The following OR4K1 variants were observed in gnomAD, a reference collection of about 807,000 sequenced individuals.
OR4K1 encodes olfactory receptor 4K1.
OR4K1 carries 16 observed loss-of-function variants against 14.4 expected under a neutral mutation model. The ratio of observed to expected loss-of-function variants is 1.11; its 90% confidence interval spans 0.75 to 1.68. OR4K1 has a LOEUF of 1.68. Among genes scored for constraint, OR4K1 ranks in the 40% most tolerant of loss-of-function variants. The pLI, the probability that OR4K1 is intolerant of heterozygous loss-of-function variation, is 0.00. For missense variants in OR4K1, 548 were observed against 376.9 expected, an observed-to-expected ratio of 1.45 and a Z score of -3.76; for synonymous variants, 181 against 133.1, an observed-to-expected ratio of 1.36 and a Z score of -2.48.
the OR4K1 span, chr14:19,920,851 T>C: frequency 2.4e-5 from 38 of 1,614,232 alleles, no homozygotes; most frequent in Admixed American, 3.2e-4. Context: ...CCTAAAATGA[T>C]TGCAGATTTT....
upstream of OR4K1, among the ~76,000 whole-genome samples, chr14:19,929,211 T>C (rs1240763983): frequency 1.3e-5 from 2 of 149,942 alleles, no homozygotes; most frequent in Non-Finnish European, 3.0e-5. Context: ...GTAATCTACA[T>C]TTCTTTAAAT....
chr14:19,923,309 A>G, the OR4K1 span, among the ~76,000 whole-genome samples: 1 of 152,216 alleles, frequency 6.6e-6, no homozygotes, highest in African/African-American at 2.4e-5. Context: ...TTAATTTACT[A>G]CAGTTTTAAA....
upstream of OR4K1, among the ~76,000 whole-genome samples, chr14:19,930,098 A>G (rs535277493): frequency 2.0e-5 from 3 of 152,088 alleles, no homozygotes; most frequent in African/African-American, 4.8e-5. Flanking sequence ...ATTTCATCAC[A>G]CTAAAATATT....
the OR4K1 span, among the ~76,000 whole-genome samples, chr14:19,921,909 G>A: frequency 6.6e-6 from 1 of 152,188 alleles, no homozygotes; most frequent in Non-Finnish European, 1.5e-5. Context: ...TCAAACATTT[G>A]TCAGGTTTTA....
chr14:19,936,616 G>T lies in OR4K1; in HGVS notation c.*14G>T. 7 of 1,575,586 alleles carry T rather than the reference G, an allele frequency of 4.4e-6. No individual in the cohort carries two copies. The highest frequency in any genetic ancestry group is 6.0e-6 in the Non-Finnish European group (7 of 1,161,758). ...TGGAAAAACTAGGGATCATTACGAA[G>T]GAGCATAATCCTGAATTAGAATGAA... On this transcript the variant is annotated 3_prime_UTR_variant, in exon 2 of 2. Transcript: ENST00000641172.
chr14:19,935,811 A>C lies in OR4K1; in HGVS notation c.145A>C (p.Ile49Leu), dbSNP rs1882296977. 6.2e-7 allele frequency: 1 copy of C among 1,614,028 alleles called. No homozygotes were observed. Among genetic ancestry groups the C allele is most frequent in the Non-Finnish European group, 8.5e-7 (1 of 1,180,000 alleles). ...AGGCAATGTCTTAATTATTGTCATT[A>C]TTTCTTTTGACTCCCATTTGAACTC... Reference protein sequence around the residue: ...VLGNVLIIVIISFDSHLNSPM... With the variant: ...VLGNVLIIVILSFDSHLNSPM... The change falls in exon 2 of 2, where the codon ATT becomes CTT. Residue 49 changes from isoleucine (I) to leucine (L), a missense_variant. Coordinates refer to ENST00000641172, the MANE Select transcript of OR4K1 (RefSeq NM_001004063.3).
the OR4K1 span, chr14:19,920,788 T>C: frequency 6.2e-7 from 1 of 1,614,224 alleles, no homozygotes. Flanking sequence ...CCTATGTACT[T>C]TCTCTTGGGA....
chr14:19,924,396 G>A, the OR4K1 span, among the ~76,000 whole-genome samples: 10 of 21,518 alleles, frequency 4.6e-4, no homozygotes, highest in Admixed American at 6.9e-4. Context: ...GCAAAACTCC[G>A]TATCAAAAAA....
the OR4K1 span, among the ~76,000 whole-genome samples, chr14:19,925,433 A>G: frequency 1.3e-5 from 2 of 152,268 alleles, no homozygotes; most frequent in African/African-American, 4.8e-5. Flanking sequence ...GATAACCCAT[A>G]CAATGAGTTA....
upstream of OR4K1, among the ~76,000 whole-genome samples, chr14:19,927,253 A>T (rs564841989): frequency 5.9e-5 from 9 of 152,370 alleles, 1 homozygote; most frequent in East Asian, 1.2e-3. Context: ...CAAGCCAAAA[A>T]ATGGGACTGC....
upstream of OR4K1, among the ~76,000 whole-genome samples, chr14:19,930,702 T>C (rs1311126989): frequency 2.6e-5 from 4 of 152,382 alleles, no homozygotes; most frequent in South Asian, 8.3e-4. Flanking sequence ...TGCTTTCATA[T>C]GTATACACTA....
chr14:19,924,220 G>A, the OR4K1 span, among the ~76,000 whole-genome samples: 1 of 152,068 alleles, frequency 6.6e-6, no homozygotes, highest in East Asian at 1.9e-4. Context: ...GACCAACATA[G>A]AGAAAACCCC....
upstream of OR4K1, among the ~76,000 whole-genome samples, chr14:19,928,012 T>C (rs183221262): frequency 6.6e-6 from 1 of 152,346 alleles, no homozygotes; most frequent in East Asian, 1.9e-4. Flanking sequence ...ACAAACAAGA[T>C]TGGAATGACC....
chr14:19,920,532 C>T, the OR4K1 span: 1 of 1,497,324 alleles, frequency 6.7e-7, no homozygotes, highest in South Asian at 1.4e-5. Context: ...TAAAAGTATT[C>T]TTAATTCAAA....
upstream of OR4K1, among the ~76,000 whole-genome samples, chr14:19,928,506 C>A (rs2635536): frequency 0.16 from 24,047 of 149,598 alleles, 1,425 homozygotes; most frequent in African/African-American, 0.26. Context: ...ATTTAACTGA[C>A]AATAGAAAGC....
intron 1 of OR4K1, among the ~76,000 whole-genome samples, chr14:19,931,592 G>A (rs1327333541): frequency 6.6e-6 from 1 of 152,196 alleles, no homozygotes; most frequent in African/African-American, 2.4e-5. Flanking sequence ...AGGTAATCAA[G>A]TATTATACAT....
At chr14:19,928,774 C>T (rs1479212700), upstream of OR4K1, among the ~76,000 whole-genome samples, 1 of 152,106 alleles carries the variant, frequency 6.6e-6, no homozygotes, top group Non-Finnish European at 1.5e-5. Flanking sequence ...TTATTATTGT[C>T]ATAGAGTTGC....
rs777681454 is a variant in OR4K1 at position 19,935,650 on chromosome 14, A to G, written c.-17A>G. 6.4e-7 allele frequency: 1 copy of G among 1,551,378 alleles called. No individual in the cohort carries two copies. The highest frequency in any genetic ancestry group is 2.1e-5 in the Admixed American group (1 of 46,926). ...TTTTTCTGATTTCTTTTTTTTAGGT[A>G]ACTGAATATTGGATACATGGCTCAC... On this transcript the variant is annotated splice_region_variant and 5_prime_UTR_variant, in exon 2 of 2. An upstream open reading frame in the 5' UTR loses its in-frame stop. Coordinates refer to ENST00000641172, the MANE Select transcript of OR4K1 (RefSeq NM_001004063.3).
upstream of OR4K1, among the ~76,000 whole-genome samples, chr14:19,926,706 T>C (rs1483256530): frequency 6.6e-6 from 1 of 152,266 alleles, no homozygotes; most frequent in Non-Finnish European, 1.5e-5. Flanking sequence ...CAGTTTTCAG[T>C]GGGTCCCCGT....
Sources: allele counts gnomAD v4.1 joint callset (sites outside exome capture counted in the v4.1 genomes callset), GRCh38; gene constraint gnomAD v4.1.1; transcripts MANE v1.5; gene names NCBI Gene and HGNC (gene_info 2026-07-23, HGNC 2026-07-21).